The following XRCC4 variants were observed in gnomAD, a reference collection of about 807,000 sequenced individuals.
XRCC4 encodes DNA repair protein XRCC4.
A neutral mutation model predicts 39.1 loss-of-function variants in XRCC4; 28 were observed. The ratio of observed to expected loss-of-function variants is 0.72; its 90% CI spans 0.53 to 0.98. The LOEUF is 0.98. Ranked by LOEUF, XRCC4 falls within the 50% of genes least tolerant of loss-of-function variation. XRCC4 has a pLI of 0.00. For synonymous variants in XRCC4, 123 were observed against 126.4 expected (o/e 0.97, Z 0.18); for missense variants, 350 against 376.4 (o/e 0.93, Z 0.58).
intron 3 of XRCC4, among the ~76,000 whole-genome samples, chr5:83,165,404 A>G (rs1291347993): frequency 7.2e-5 from 11 of 152,202 alleles, no homozygotes; most frequent in Admixed American, 7.2e-4. Flanking sequence ...CTGGAATACC[A>G]GAATAGTGGT....
At chr5:83,170,393 A>C (rs1749668467) in intron 3 of XRCC4, among the ~76,000 whole-genome samples, 1 of 152,112 alleles carries the variant, frequency 6.6e-6, no homozygotes, top group African/African-American at 2.4e-5. Context: ...TTAAAAAGGA[A>C]AAAAAAATCA....
intron 2 of XRCC4, 48 bp from the exon 3 acceptor site, chr5:83,110,980 G>A: frequency 6.6e-7 from 1 of 1,525,632 alleles, no homozygotes; most frequent in Non-Finnish European, 8.9e-7. Flanking sequence ...TTTCTCATGT[G>A]TAGTCATTTA....
chr5:83,371,501 A>T, the XRCC4 span, among the ~76,000 whole-genome samples: 6 of 152,196 alleles, frequency 3.9e-5, no homozygotes, highest in African/African-American at 1.4e-4. Flanking sequence ...AAACATGTTT[A>T]AAAATTAAAA....
At chr5:83,227,497 A>G (rs1045897183) in intron 6 of XRCC4, among the ~76,000 whole-genome samples, 5 of 152,094 alleles carry the variant, frequency 3.3e-5, no homozygotes, top group African/African-American at 1.2e-4. Flanking sequence ...TGATATAATT[A>G]GGAAATAGTT....
At chr5:83,280,376 G>T (rs1455562521) in intron 7 of XRCC4, 5 of 531,110 alleles carry the variant, frequency 9.4e-6, no homozygotes, top group South Asian at 2.3e-5. Context: ...TTTCTTGAAT[G>T]TCTTAAAATT....
chr5:83,310,249 A>AGAG (rs1448632291), intron 7 of XRCC4, among the ~76,000 whole-genome samples: 6 of 152,122 alleles, frequency 3.9e-5, no homozygotes, highest in Non-Finnish European at 2.9e-5. Context: ...GAAGCTGTAA[A>AGAG]GAGGAGGAGG....
chr5:83,160,196 A>G (rs912475158), intron 3 of XRCC4, among the ~76,000 whole-genome samples: 2 of 152,192 alleles, frequency 1.3e-5, no homozygotes, highest in African/African-American at 4.8e-5. Flanking sequence ...GCCATTTAAA[A>G]TGTTAACTTT....
At chr5:83,195,672 A>T in intron 3 of XRCC4, 98 bp from the exon 4 acceptor site, 1 of 1,178,350 alleles carries the variant, frequency 8.5e-7, no homozygotes, top group Non-Finnish European at 1.1e-6. Flanking sequence ...AATCCTTCTT[A>T]CACTTTTTTA....
chr5:83,203,855 G>A, intron 5 of XRCC4, 148 bp downstream of exon 5: 3 of 904,798 alleles, frequency 3.3e-6, no homozygotes, highest in Non-Finnish European at 5.0e-6. Flanking sequence ...TTAGATAGGG[G>A]TACCATGGGC....
At chr5:83,184,786 A>G (rs1561388022) in intron 3 of XRCC4, among the ~76,000 whole-genome samples, 1 of 152,122 alleles carries the variant, frequency 6.6e-6, no homozygotes, top group Non-Finnish European at 1.5e-5. Flanking sequence ...CTGGAATGCT[A>G]CTGTGTTAAA....
At chr5:83,357,755 G>C (rs1757205574), downstream of XRCC4, among the ~76,000 whole-genome samples, 1 of 152,172 alleles carries the variant, frequency 6.6e-6, no homozygotes, top group Non-Finnish European at 1.5e-5. Flanking sequence ...AGGTCATAGG[G>C]CCCTTCCTGG....
rs2112211463 is a variant in XRCC4, at chr5:83,344,344, C to T, written c.894-8787C>T. On this transcript the variant is annotated intron_variant, in intron 7 of 7. Coordinates refer to ENST00000396027, the MANE Select transcript of XRCC4 (RefSeq NM_003401.5). ...CTCAAACTCCTAGGTTCAAGGGATC[C>T]TCCTGCTTCAGCCTCTTGAGTAGCT... Among the ~76,000 whole-genome samples the T allele has an allele frequency of 1.3e-5, 2 of 151,810 alleles. 1 individual carries two copies. The highest frequency in any genetic ancestry group is 3.9e-4 in the East Asian group (2 of 5,170).
At chr5:83,284,575 G>A (rs1017557751) in intron 7 of XRCC4, among the ~76,000 whole-genome samples, 2 of 151,930 alleles carry the variant, frequency 1.3e-5, no homozygotes, top group African/African-American at 2.4e-5. Flanking sequence ...TTGTTTTAAT[G>A]CACTTGGGCT....
intron 6 of XRCC4, among the ~76,000 whole-genome samples, chr5:83,241,258 A>T (rs75164752): frequency 9.9e-5 from 15 of 151,768 alleles, no homozygotes; most frequent in Admixed American, 1.3e-4. Flanking sequence ...AAAAAAAAAA[A>T]TTCAGTAATA....
chr5:83,078,185 T>G (rs1297887722), intron 1 of XRCC4, among the ~76,000 whole-genome samples: 1 of 152,222 alleles, frequency 6.6e-6, no homozygotes. Context: ...CAACTTTTAA[T>G]CAGTAGTAGT....
intron 7 of XRCC4, among the ~76,000 whole-genome samples, chr5:83,274,160 A>G (rs1342008838): frequency 6.6e-6 from 1 of 152,190 alleles, no homozygotes; most frequent in Non-Finnish European, 1.5e-5. Context: ...ACTCTTGCTC[A>G]TGTTCATTCT....
intron 6 of XRCC4, among the ~76,000 whole-genome samples, chr5:83,252,796 G>A (rs549570566): frequency 3.3e-5 from 5 of 151,964 alleles, no homozygotes; most frequent in African/African-American, 1.2e-4. Context: ...CTCATCTGGA[G>A]GTTTATAAGT....
chr5:83,333,970 A>G (rs1756517648), intron 7 of XRCC4, among the ~76,000 whole-genome samples: 1 of 152,010 alleles, frequency 6.6e-6, no homozygotes, highest in Non-Finnish European at 1.5e-5. Context: ...GGGTTTCACC[A>G]TATTGGCCAG....
chr5:83,186,560 A>G (rs1339530799), intron 3 of XRCC4, among the ~76,000 whole-genome samples: 2 of 152,148 alleles, frequency 1.3e-5, no homozygotes, highest in African/African-American at 4.8e-5. Context: ...CCCTGTCTCA[A>G]GATCTTTAAG....
Sources: gnomAD v4.1 joint callset for allele counts (sites outside exome capture counted in the v4.1 genomes callset) on GRCh38, gnomAD v4.1.1 for gene constraint, MANE v1.5 for transcripts, NCBI Gene and HGNC (gene_info 2026-07-23, HGNC 2026-07-21) for gene names.